Variants in IL16 observed in about 807,000 individuals in gnomAD.
IL16 encodes the protein pro-interleukin-16.
Under a neutral mutation model 110.1 loss-of-function variants are expected in IL16, and 67 were observed. That is an observed-to-expected ratio of 0.61 (90% CI 0.50 to 0.75). IL16 has a LOEUF of 0.75. IL16 is among the 30% of genes least tolerant of loss of function. The pLI is 0.00. For synonymous variants in IL16, 689 were observed against 662.9 expected (o/e 1.04, Z -0.61); for missense variants, 1,545 against 1,655.0 (o/e 0.93, Z 1.15).
intron 1 of IL16, among the ~76,000 whole-genome samples, chr15:81,185,032 T>A (rs2141906629): frequency 6.6e-6 from 1 of 152,180 alleles, no homozygotes; most frequent in East Asian, 1.9e-4. Context: ...TTGGCCCCTG[T>A]CAGCAAGGAG....
chr15:81,217,047 CAAG>C (rs1336582220), intron 1 of IL16, among the ~76,000 whole-genome samples: 2 of 151,798 alleles, frequency 1.3e-5, no homozygotes, highest in Non-Finnish European at 2.9e-5. Context: ...CAAATAAAAG[CAAG>C]AAGGAGAAAA....
rs1257471193 is a variant in IL16 at position 81,285,797 on chromosome 15, C to T, written c.1299C>T (p.Val433=). ...TGAGTCACTGTGATCCCGGTCCAGT[C>T]CCCATCATTGTTAGCCGACATCCAG... ...TILSHCDPGP[V]PIIVSRHPDP... Residue 433 remains valine (V), a synonymous_variant, in exon 10 of 19, where the codon GTC becomes GTT. Transcript: ENST00000683961. 5 of 1,614,178 alleles carry T rather than the reference C, an allele frequency of 3.1e-6. No homozygotes were observed. The South Asian group carries it at 5.5e-5, about 18-fold the overall frequency.
chr15:81,232,082 T>C (rs550024897), intron 2 of IL16, among the ~76,000 whole-genome samples: 74 of 125,768 alleles, frequency 5.9e-4, no homozygotes, highest in African/African-American at 1.8e-3. Flanking sequence ...TTTTTTCACA[T>C]TTGTTCTTAA....
intron 3 of IL16, among the ~76,000 whole-genome samples, chr15:81,263,803 C>T (rs1482658529): frequency 2.0e-5 from 3 of 152,322 alleles, no homozygotes; most frequent in Middle Eastern, 3.4e-3. Flanking sequence ...TCACAGGTCA[C>T]CCTTGCACTG....
chr15:81,303,015 A>ATATG lies in IL16; in HGVS notation c.3319-533_3319-532insATGT, dbSNP rs774299225. Among the ~76,000 whole-genome samples, 50 of 150,146 alleles carry ATATG rather than the reference A, an allele frequency of 3.3e-4. No individual in the cohort carries two copies. The South Asian group carries it at 3.8e-3, about 11-fold the overall frequency. On this transcript the variant is annotated intron_variant, in intron 15 of 18. Coordinates refer to ENST00000683961, the MANE Select transcript of IL16 (RefSeq NM_172217.5). The surrounding 1 kb of genome is among the most constrained non-coding windows in gnomAD (Gnocchi z 4.1). The stretch of plus-strand genomic sequence containing the variant: ...GTCTAGGCTAGGAAGTACCGTAGTA[A>ATATG]TGTGTGTGTGTGTGTGTGTGTGTGT...
chr15:81,275,829 A>C (rs1898885707), intron 6 of IL16, among the ~76,000 whole-genome samples: 3 of 152,228 alleles, frequency 2.0e-5, no homozygotes, highest in African/African-American at 7.2e-5. Context: ...TAGTTGCAAC[A>C]AAAGTTTGGT....
At chr15:81,194,509 T>A (rs1002278384), upstream of IL16, among the ~76,000 whole-genome samples, 7 of 151,442 alleles carry the variant, frequency 4.6e-5, no homozygotes, top group Non-Finnish European at 1.0e-4. Flanking sequence ...TAAAATTTTT[T>A]AAATTAATTT....
At chr15:81,251,944 G>C (rs929473268) in intron 2 of IL16, among the ~76,000 whole-genome samples, 2 of 151,994 alleles carry the variant, frequency 1.3e-5, no homozygotes, top group Admixed American at 1.3e-4. Context: ...GGAAAAACAC[G>C]TAAGATGAGT....
intron 1 of IL16, among the ~76,000 whole-genome samples, chr15:81,211,357 T>C (rs1361961187): frequency 2.6e-5 from 4 of 152,174 alleles, no homozygotes; most frequent in Non-Finnish European, 5.9e-5. Context: ...GTTCAGGCTA[T>C]TCTCCTGCCT....
chr15:81,185,246 A>G (rs972973593), intron 1 of IL16, among the ~76,000 whole-genome samples: 2 of 152,320 alleles, frequency 1.3e-5, no homozygotes, highest in South Asian at 2.1e-4. Flanking sequence ...GCATGGATAT[A>G]GTTTTATTAC....
chr15:81,220,223 C>G (rs1216372026), intron 1 of IL16, among the ~76,000 whole-genome samples: 1 of 152,200 alleles, frequency 6.6e-6, no homozygotes, highest in Non-Finnish European at 1.5e-5. Context: ...CAGCCTCCAC[C>G]TCCCAGGCTC....
intron 14 of IL16, among the ~76,000 whole-genome samples, chr15:81,300,693 T>C (rs1900240349): frequency 1.3e-5 from 2 of 152,280 alleles, no homozygotes; most frequent in Admixed American, 1.3e-4. Flanking sequence ...AGGAGGAGTT[T>C]TCACAACATC....
intron 12 of IL16, among the ~76,000 whole-genome samples, chr15:81,296,333 C>G (rs1413768455): frequency 4.1e-4 from 62 of 152,216 alleles, no homozygotes; most frequent in Admixed American, 3.9e-3. Context: ...AGGCTGCATC[C>G]AGGCTCAGTG....
At chr15:81,267,807 A>G (rs1403448879) in intron 4 of IL16, among the ~76,000 whole-genome samples, 1 of 152,198 alleles carries the variant, frequency 6.6e-6, no homozygotes, top group African/African-American at 2.4e-5. Context: ...AACTCAGGGG[A>G]GGTCTGTCTT....
intron 1 of IL16, among the ~76,000 whole-genome samples, chr15:81,221,759 C>T (rs775436796): frequency 6.6e-6 from 1 of 152,136 alleles, no homozygotes; most frequent in East Asian, 1.9e-4. Context: ...AATGCCTTGC[C>T]CCCTGGTTCA....
chr15:81,257,234 G>T (rs534059598), intron 2 of IL16, among the ~76,000 whole-genome samples: 1 of 152,300 alleles, frequency 6.6e-6, no homozygotes, highest in African/African-American at 2.4e-5. Flanking sequence ...ACTTGTTTAA[G>T]AAATAAAAGG....
At chr15:81,216,227 C>T (rs1896425394) in intron 1 of IL16, among the ~76,000 whole-genome samples, 1 of 152,198 alleles carries the variant, frequency 6.6e-6, no homozygotes, top group Admixed American at 6.5e-5. Context: ...GTCTGAAGGC[C>T]TGTCTTTGCC....
At position 81,182,971 on chromosome 15, in the gene IL16, C is replaced by G. The variant is rs1895366196; in HGVS notation, c.40+75C>G. On this transcript the variant is annotated intron_variant, in intron 1 of 18. Transcript: ENST00000302987. Reference sequence around the variant, plus strand: ...TGGAGGGGTGGACCCTTCCTGACATCCTCCCAGGGGAATGGAAGCATGGTT... The same window carrying G: ...TGGAGGGGTGGACCCTTCCTGACATGCTCCCAGGGGAATGGAAGCATGGTT... 5 of 933,364 alleles carry G rather than the reference C, an allele frequency of 5.4e-6. No homozygotes were observed. The South Asian group carries it at 6.8e-5, about 13-fold the overall frequency. 57.8% of individuals were successfully genotyped at this position (933,364 alleles called of 1,614,324 possible). A position where few individuals can be genotyped will look rare whatever the true frequency, so the allele number is the denominator to read the frequency against.
At chr15:81,213,866 C>T (rs1896333579) in intron 1 of IL16, among the ~76,000 whole-genome samples, 1 of 152,064 alleles carries the variant, frequency 6.6e-6, no homozygotes, top group Non-Finnish European at 1.5e-5. Flanking sequence ...ACATTTAGTC[C>T]ATTTACATTT....
Sources: allele counts gnomAD v4.1 joint callset (sites outside exome capture counted in the v4.1 genomes callset), GRCh38; gene constraint gnomAD v4.1.1; non-coding constraint Gnocchi (gnomAD v3.1); transcripts MANE v1.5; gene names NCBI Gene and HGNC (gene_info 2026-07-23, HGNC 2026-07-21).